MSRA: variants seen among roughly 807,000 people sequenced by gnomAD.
The protein encoded by MSRA is methionine sulfoxide reductase A.
Under a neutral mutation model 31.3 loss-of-function variants are expected in MSRA, and 54 were observed. The ratio of observed to expected loss-of-function variants is 1.73; its 90% confidence interval spans 1.39 to 2.17. The LOEUF is 2.17. Among genes scored for constraint, MSRA ranks in the 30% most tolerant of loss-of-function variants. MSRA has a pLI of 0.00. For missense variants in MSRA, 507 were observed against 300.9 expected, an observed-to-expected ratio of 1.69 and a Z score of -5.07; for synonymous variants, 169 against 116.5, an observed-to-expected ratio of 1.45 and a Z score of -2.90.
intron 1 of MSRA, among the ~76,000 whole-genome samples, chr8:10,162,416 G>A (rs548182124): frequency 5.3e-5 from 8 of 152,134 alleles, no homozygotes; most frequent in Admixed American, 1.3e-4. Flanking sequence ...CTGCTACCAC[G>A]AAGGGTGTTT....
chr8:10,146,372 C>G (rs932755071), intron 1 of MSRA, among the ~76,000 whole-genome samples: 1 of 152,142 alleles, frequency 6.6e-6, no homozygotes, highest in Non-Finnish European at 1.5e-5. Flanking sequence ...AAGGGTGAAA[C>G]TGTGAGCAAA....
intron 1 of MSRA, among the ~76,000 whole-genome samples, chr8:10,067,549 C>G (rs1797520659): frequency 6.6e-6 from 1 of 152,054 alleles, no homozygotes; most frequent in Non-Finnish European, 1.5e-5. Flanking sequence ...GGTAAATGCC[C>G]AAAAGTGTGA....
chr8:10,373,180 C>T (rs986674716), intron 5 of MSRA, among the ~76,000 whole-genome samples: 10 of 152,308 alleles, frequency 6.6e-5, no homozygotes, highest in East Asian at 1.9e-4. Context: ...CGTGAGCCAC[C>T]GCGCCCAGCC....
At chr8:10,281,007 G>T (rs73534551) in intron 3 of MSRA, among the ~76,000 whole-genome samples, 1,636 of 152,282 alleles carry the variant, frequency 0.011, 27 homozygotes, top group African/African-American at 0.037. Context: ...CGGGGGAGAT[G>T]GTGGGTTTGG....
chr8:10,305,194 G>A (rs781093544), intron 4 of MSRA, among the ~76,000 whole-genome samples: 4 of 152,152 alleles, frequency 2.6e-5, no homozygotes, highest in Non-Finnish European at 4.4e-5. Context: ...AGTGATATTT[G>A]CAAATGTGGA....
At chr8:10,129,790 C>G (rs1484703382) in intron 1 of MSRA, among the ~76,000 whole-genome samples, 2 of 152,152 alleles carry the variant, frequency 1.3e-5, no homozygotes, top group African/African-American at 4.8e-5. Context: ...TTGAATCTGT[C>G]CAAACCAGCT....
intron 5 of MSRA, among the ~76,000 whole-genome samples, chr8:10,419,466 T>G (rs1187821317): frequency 6.6e-6 from 1 of 152,180 alleles, no homozygotes; most frequent in Non-Finnish European, 1.5e-5. Context: ...TGCTTTGGGT[T>G]TCCTAGTGGG....
At chr8:10,364,678 T>C (rs924192723) in intron 5 of MSRA, among the ~76,000 whole-genome samples, 1 of 152,252 alleles carries the variant, frequency 6.6e-6, no homozygotes, top group Non-Finnish European at 1.5e-5. Flanking sequence ...TGTATCTTCA[T>C]TGACTTTGAA....
chr8:10,428,079 C>T (rs1809296635), intron 5 of MSRA, 69 bp from the exon 6 acceptor site: 1 of 1,530,368 alleles, frequency 6.5e-7, no homozygotes, highest in Non-Finnish European at 8.8e-7. Flanking sequence ...CCTGGCCCCT[C>T]AGTGCCACCC....
chr8:10,319,509 C>T (rs1035677188), intron 4 of MSRA, among the ~76,000 whole-genome samples: 3 of 152,062 alleles, frequency 2.0e-5, no homozygotes, highest in Non-Finnish European at 4.4e-5. Context: ...ACCTTCCATA[C>T]AGGTATCTCC....
At chr8:10,343,571 T>G (rs138861996) in intron 5 of MSRA, among the ~76,000 whole-genome samples, 2,377 of 152,292 alleles carry the variant, frequency 0.016, 39 homozygotes, top group Non-Finnish European at 0.026. Flanking sequence ...TTTAATTGTC[T>G]CCTACATCAG....
intron 5 of MSRA, among the ~76,000 whole-genome samples, chr8:10,413,983 A>T (rs903970114): frequency 2.0e-5 from 3 of 152,134 alleles, no homozygotes; most frequent in Non-Finnish European, 4.4e-5. Flanking sequence ...CAGGCAACAT[A>T]GCGAGACCCC....
chr8:10,064,959 G>T (rs993399287), intron 1 of MSRA, among the ~76,000 whole-genome samples: 1 of 152,142 alleles, frequency 6.6e-6, no homozygotes, highest in African/African-American at 2.4e-5. Flanking sequence ...ACTGTTGTTA[G>T]CAGTTGAAAA....
chr8:10,079,389 A>C (rs1798167849), intron 1 of MSRA, among the ~76,000 whole-genome samples: 1 of 152,100 alleles, frequency 6.6e-6, no homozygotes, highest in South Asian at 2.1e-4. Context: ...TCGTGGGCTC[A>C]AGCAATCTGC....
intron 1 of MSRA, among the ~76,000 whole-genome samples, chr8:10,163,431 G>T (rs527635947): frequency 3.2e-4 from 48 of 152,328 alleles, no homozygotes; most frequent in African/African-American, 1.1e-3. Flanking sequence ...CGCACCCACT[G>T]TTAATCAGCT....
At chr8:10,273,340 C>A (rs974062534) in intron 3 of MSRA, among the ~76,000 whole-genome samples, 17 of 152,132 alleles carry the variant, frequency 1.1e-4, no homozygotes, top group Non-Finnish European at 2.2e-4. Flanking sequence ...ACATTTATAC[C>A]TCTATTCCTT....
intron 2 of MSRA, among the ~76,000 whole-genome samples, chr8:10,220,096 C>A (rs4075950): frequency 0.23 from 34,464 of 152,112 alleles, 4,342 homozygotes; most frequent in Admixed American, 0.29. Flanking sequence ...ACTTTCCCTA[C>A]ATTCTTATGT....
intron 3 of MSRA, among the ~76,000 whole-genome samples, chr8:10,280,428 A>T (rs552113592): frequency 3.3e-5 from 5 of 152,308 alleles, no homozygotes; most frequent in South Asian, 2.1e-4. Flanking sequence ...CAGCTCCATT[A>T]TAATTCATTT....
At chr8:10,384,728 C>T (rs1444193554) in intron 5 of MSRA, among the ~76,000 whole-genome samples, 4 of 152,132 alleles carry the variant, frequency 2.6e-5, no homozygotes, top group Non-Finnish European at 5.9e-5. Flanking sequence ...AATAAAATGG[C>T]CAGGCATGGT....
Sources: gnomAD v4.1 joint callset for allele counts (sites outside exome capture counted in the v4.1 genomes callset) on GRCh38, gnomAD v4.1.1 for gene constraint, MANE v1.5 for transcripts, NCBI Gene and HGNC (gene_info 2026-07-23, HGNC 2026-07-21) for gene names.